TUSC3: variants seen among roughly 807,000 people sequenced by gnomAD.
TUSC3 encodes the protein tumor suppressor candidate 3.
Under a neutral mutation model 44.8 loss-of-function variants are expected in TUSC3, and 45 were observed. The ratio of observed to expected loss-of-function variants is 1.00; its 90% confidence interval spans 0.79 to 1.29. TUSC3 has a LOEUF of 1.29. Ranked by LOEUF, TUSC3 falls within the 50% of genes most tolerant of loss-of-function variation. TUSC3 has a pLI of 0.00. For missense variants in TUSC3, 519 were observed against 437.9 expected (o/e 1.19, Z -1.65); for synonymous variants, 212 against 152.9 (o/e 1.39, Z -2.85).
At chr8:15,798,879 T>A in the TUSC3 span, among the ~76,000 whole-genome samples, 1 of 152,122 alleles carries the variant, frequency 6.6e-6, no homozygotes, top group Admixed American at 6.6e-5. Flanking sequence ...ACTAGGGAAA[T>A]TTTCCATGGT....
chr8:15,703,952 C>T (rs768544869), intron 6 of TUSC3, among the ~76,000 whole-genome samples: 2 of 152,220 alleles, frequency 1.3e-5, no homozygotes, highest in African/African-American at 2.4e-5. Context: ...TCTGGCTTGG[C>T]GCACTGCAAA....
At chr8:15,528,201 A>G (rs893795936) in intron 2 of TUSC3, among the ~76,000 whole-genome samples, 3 of 152,222 alleles carry the variant, frequency 2.0e-5, no homozygotes, top group African/African-American at 7.2e-5. Flanking sequence ...GTTTGAAAAA[A>G]AAACTTTCCA....
the TUSC3 span, among the ~76,000 whole-genome samples, chr8:15,821,675 C>A: frequency 6.6e-6 from 1 of 151,966 alleles, no homozygotes; most frequent in African/African-American, 2.4e-5. Flanking sequence ...AAAGCAAACA[C>A]CCTAAGCCAG....
chr8:15,459,968 T>C (rs1056999868), intron 1 of TUSC3, among the ~76,000 whole-genome samples: 3 of 152,126 alleles, frequency 2.0e-5, no homozygotes, highest in African/African-American at 7.2e-5. Flanking sequence ...TCCAGAATTT[T>C]GCAATTGCTA....
intron 1 of TUSC3, among the ~76,000 whole-genome samples, chr8:15,563,685 C>CAAAAAAAAAAA (rs150368776): frequency 0.018 from 1,407 of 79,794 alleles, 70 homozygotes; most frequent in South Asian, 0.032. Context: ...GCCTCCATCT[C>CAAAAAAAAAAA]AAAAAAAAAA....
intron 10 of TUSC3, among the ~76,000 whole-genome samples, chr8:15,763,184 T>C (rs990382247): frequency 6.6e-6 from 1 of 151,888 alleles, no homozygotes; most frequent in African/African-American, 2.4e-5. Context: ...AAAATACATA[T>C]TTATTCTTGC....
chr8:15,678,272 A>G (rs906571739), intron 6 of TUSC3, among the ~76,000 whole-genome samples: 1 of 152,196 alleles, frequency 6.6e-6, no homozygotes, highest in African/African-American at 2.4e-5. Context: ...AAAGCCATCT[A>G]GTCAAAGAAA....
At chr8:15,706,584 T>G (rs1275270179) in intron 6 of TUSC3, among the ~76,000 whole-genome samples, 1 of 152,076 alleles carries the variant, frequency 6.6e-6, no homozygotes, top group East Asian at 1.9e-4. Flanking sequence ...AAATTCTATT[T>G]GCAGGAGTAG....
intron 1 of TUSC3, among the ~76,000 whole-genome samples, chr8:15,579,160 A>G (rs1399757203): frequency 6.6e-6 from 1 of 150,528 alleles, no homozygotes; most frequent in African/African-American, 2.4e-5. Context: ...ATTGGTGGTG[A>G]TATCCCCTTT....
chr8:15,430,436 T>C (rs1443972185), intron 1 of TUSC3, among the ~76,000 whole-genome samples: 1 of 150,638 alleles, frequency 6.6e-6, no homozygotes, highest in African/African-American at 2.5e-5. Flanking sequence ...CAACCCTTCA[T>C]GTTAAAAACT....
At chr8:15,725,542 C>A (rs1329370008) in intron 6 of TUSC3, among the ~76,000 whole-genome samples, 1 of 152,062 alleles carries the variant, frequency 6.6e-6, no homozygotes. Flanking sequence ...TTAATTTTAC[C>A]ATCTGTGAGT....
chr8:15,609,204 C>G (rs757880953), intron 1 of TUSC3, among the ~76,000 whole-genome samples: 3 of 152,110 alleles, frequency 2.0e-5, no homozygotes, highest in Non-Finnish European at 2.9e-5. Context: ...TTGCCACATT[C>G]TGTTAGTAAA....
At chr8:15,815,977 T>C in the TUSC3 span, among the ~76,000 whole-genome samples, 1 of 152,278 alleles carries the variant, frequency 6.6e-6, no homozygotes, top group Admixed American at 6.5e-5. Flanking sequence ...TAATTGCTTT[T>C]TCTGGCAGGG....
At chr8:15,741,602 G>T (rs1585290378) in intron 7 of TUSC3, among the ~76,000 whole-genome samples, 1 of 152,014 alleles carries the variant, frequency 6.6e-6, no homozygotes, top group East Asian at 1.9e-4. Flanking sequence ...CATGAGAACC[G>T]CTTGAACCTG....
intron 1 of TUSC3, among the ~76,000 whole-genome samples, chr8:15,470,013 T>C (rs1248794379): frequency 6.6e-6 from 1 of 151,802 alleles, no homozygotes; most frequent in Non-Finnish European, 1.5e-5. Context: ...CCCAGTACTT[T>C]GGAAGGCTAA....
chr8:15,424,993 T>C (rs1278309494), intron 1 of TUSC3, among the ~76,000 whole-genome samples: 1 of 152,196 alleles, frequency 6.6e-6, no homozygotes, highest in Admixed American at 6.5e-5. Flanking sequence ...CAAAGGTCTT[T>C]AAAATGTGCT....
chr8:15,703,582 G>A (rs1395852615), intron 6 of TUSC3, among the ~76,000 whole-genome samples: 3 of 152,286 alleles, frequency 2.0e-5, no homozygotes, highest in Non-Finnish European at 2.9e-5. Context: ...TCTGCAGGCA[G>A]TACAAGAAGC....
chr8:15,823,814 C>T, the TUSC3 span, among the ~76,000 whole-genome samples: 2 of 151,938 alleles, frequency 1.3e-5, no homozygotes, highest in East Asian at 3.9e-4. Context: ...AACGATAACA[C>T]CTGTCTTATT....
At chr8:15,511,176 G>C (rs2129128200) in intron 2 of TUSC3, among the ~76,000 whole-genome samples, 1 of 151,998 alleles carries the variant, frequency 6.6e-6, no homozygotes. Context: ...TTCAAATACA[G>C]GTCAAGAAGG....
Sources: allele counts gnomAD v4.1 joint callset (sites outside exome capture counted in the v4.1 genomes callset), GRCh38; gene constraint gnomAD v4.1.1; transcripts MANE v1.5; gene names NCBI Gene and HGNC (gene_info 2026-07-23, HGNC 2026-07-21).